Variants in DGKB observed in about 807,000 individuals in gnomAD.
DGKB encodes the protein diacylglycerol kinase beta.
In DGKB, 67 loss-of-function variants were observed where a neutral mutation model predicts 114.3. The observed-to-expected ratio is 0.59, with a 90% CI of 0.48 to 0.72. The LOEUF (loss-of-function observed/expected upper bound fraction) is 0.72, where lower values mean the gene tolerates loss of function less well. Ranked by LOEUF, DGKB falls within the 30% of genes least tolerant of loss-of-function variation. The probability of loss-of-function intolerance (pLI) is 0.00; values close to 1 mark genes in which losing one functional copy is unlikely to be tolerated. For missense variants in DGKB, 907 were observed against 975.2 expected (o/e 0.93, Z 0.93); for synonymous variants, 398 against 323.1 (o/e 1.23, Z -2.49).
chr7:14,746,904 G>C (rs1424808507), intron 4 of DGKB, among the ~76,000 whole-genome samples: 1 of 151,860 alleles, frequency 6.6e-6, no homozygotes, highest in Non-Finnish European at 1.5e-5. Context: ...ACATTTCTGT[G>C]TCAGATAACA....
chr7:14,422,899 T>C (rs1455144370), intron 21 of DGKB, among the ~76,000 whole-genome samples: 1 of 152,010 alleles, frequency 6.6e-6, no homozygotes, highest in Non-Finnish European at 1.5e-5. Flanking sequence ...GTTAAGTTCT[T>C]TACATACATT....
intron 20 of DGKB, among the ~76,000 whole-genome samples, chr7:14,547,397 A>T (rs1017397624): frequency 6.6e-6 from 1 of 152,236 alleles, no homozygotes; most frequent in Non-Finnish European, 1.5e-5. Context: ...TGACAATTAT[A>T]TTATGATAAT....
At chr7:14,653,667 A>G (rs1041051324) in intron 13 of DGKB, among the ~76,000 whole-genome samples, 15 of 152,182 alleles carry the variant, frequency 9.9e-5, no homozygotes, top group Non-Finnish European at 1.9e-4. Context: ...TAAAAAAAAA[A>G]AGATAATTCA....
At chr7:14,263,203 A>G (rs1418103382) in intron 23 of DGKB, among the ~76,000 whole-genome samples, 1 of 152,194 alleles carries the variant, frequency 6.6e-6, no homozygotes, top group East Asian at 1.9e-4. Context: ...GTGCCCGAGT[A>G]AACTGTGAGT....
intron 21 of DGKB, among the ~76,000 whole-genome samples, chr7:14,413,147 AT>A (rs1446451569): frequency 6.6e-6 from 1 of 152,142 alleles, no homozygotes; most frequent in African/African-American, 2.4e-5. Flanking sequence ...TGGATTGGAT[AT>A]GGAGAGTGCA....
At chr7:14,909,196 C>T (rs1215900705) in intron 1 of DGKB, among the ~76,000 whole-genome samples, 3 of 152,118 alleles carry the variant, frequency 2.0e-5, no homozygotes, top group Non-Finnish European at 2.9e-5. Flanking sequence ...CATGTATGTA[C>T]TGTGCAGCTC....
At chr7:14,542,327 A>G (rs1021280085) in intron 20 of DGKB, among the ~76,000 whole-genome samples, 3 of 151,880 alleles carry the variant, frequency 2.0e-5, no homozygotes, top group African/African-American at 4.8e-5. Flanking sequence ...CTTTTTCCTA[A>G]CTTTTAGGAT....
intron 25 of DGKB, among the ~76,000 whole-genome samples, chr7:14,172,706 G>T (rs771321230): frequency 3.9e-5 from 6 of 152,018 alleles, no homozygotes; most frequent in Non-Finnish European, 5.9e-5. Context: ...GGTTCCTGAG[G>T]CTTTGAATAG....
At chr7:14,775,269 A>G (rs1016594103) in intron 2 of DGKB, among the ~76,000 whole-genome samples, 1 of 151,956 alleles carries the variant, frequency 6.6e-6, no homozygotes, top group African/African-American at 2.4e-5. Context: ...ATTCTTTTAT[A>G]GCTGTACCAC....
chr7:14,833,018 T>G (rs1846637555), intron 2 of DGKB, among the ~76,000 whole-genome samples: 1 of 152,118 alleles, frequency 6.6e-6, no homozygotes, highest in African/African-American at 2.4e-5. Flanking sequence ...TTTCCTGGAT[T>G]GGGTGAGCCA....
At chr7:14,911,085 T>C (rs1783978839) in intron 1 of DGKB, among the ~76,000 whole-genome samples, 1 of 152,114 alleles carries the variant, frequency 6.6e-6, no homozygotes, top group Admixed American at 6.6e-5. Flanking sequence ...TCTTAATATA[T>C]ATATATTGAC....
intron 21 of DGKB, among the ~76,000 whole-genome samples, chr7:14,406,488 C>T (rs192116225): frequency 6.6e-6 from 1 of 152,142 alleles, no homozygotes; most frequent in East Asian, 1.9e-4. Flanking sequence ...GTTGGCTCTA[C>T]ATGTCCAGGT....
chr7:14,729,271 T>G lies in DGKB; in HGVS notation c.322+6770A>C, dbSNP rs71525647. ...CCGAGTAGCTGGGACTACAGGCGCC[T>G]GCCACCACATCCGGCTAATTTTTTG... On this transcript the variant is annotated intron_variant, in intron 5 of 25. Transcript: ENST00000402815. Among the ~76,000 whole-genome samples the G allele has an allele frequency of 1.8e-4, 27 of 147,160 alleles. 1 individual carries two copies. In the South Asian group the frequency reaches 4.9e-3, roughly 27 times the overall value.
chr7:14,687,431 T>C (rs943289094), intron 9 of DGKB, among the ~76,000 whole-genome samples: 1 of 152,124 alleles, frequency 6.6e-6, no homozygotes, highest in Non-Finnish European at 1.5e-5. Flanking sequence ...ACCTAAGAAA[T>C]AGGCTTTGTA....
In DGKB at chr7:14,389,405, G is replaced by A. The variant is rs114879638; in HGVS notation, c.1836-44014C>T. Among the ~76,000 whole-genome samples the A allele has an allele frequency of 6.9e-3, 1,054 of 152,304 alleles. 7 individuals carry two copies. The highest frequency in any genetic ancestry group is 0.02 in the African/African-American group (836 of 41,564). On this transcript the variant is annotated intron_variant, in intron 21 of 25. Transcript: ENST00000402815. ...TTATTCAAGCTTGGTGAACTTGAGAGCTTTCAAAAGAAGAGTAGCTGAAGG... is the reference window on the plus strand; with the variant it reads ...TTATTCAAGCTTGGTGAACTTGAGAACTTTCAAAAGAAGAGTAGCTGAAGG...
chr7:14,632,112 T>C (rs1012555063), intron 13 of DGKB, among the ~76,000 whole-genome samples: 4 of 151,958 alleles, frequency 2.6e-5, no homozygotes, highest in Non-Finnish European at 4.4e-5. Flanking sequence ...CCAAATGCAA[T>C]TCAAGAGCTT....
intron 23 of DGKB, among the ~76,000 whole-genome samples, chr7:14,269,830 C>G (rs1798023717): frequency 6.6e-6 from 1 of 151,952 alleles, no homozygotes; most frequent in Admixed American, 6.6e-5. Context: ...CAAAATAAAT[C>G]TTAAAATCAA....
In DGKB at chr7:14,221,364, G is replaced by A. The variant is rs542185783; in HGVS notation, c.2123-43213C>T. Among the ~76,000 whole-genome samples the A allele has an allele frequency of 4.6e-5, 7 of 151,216 alleles. No homozygotes were observed. In the South Asian group the frequency reaches 1.5e-3, roughly 31 times the overall value. ...GAGTACTCTCTATTTCTAGTTTGTT[G>A]AATGTTTTTTATTATAAAAATTGTT... On this transcript the variant is annotated intron_variant, in intron 23 of 25. Coordinates refer to ENST00000402815, the MANE Select transcript of DGKB (RefSeq NM_001350709.2).
chr7:14,424,228 A>C (rs1827162223), intron 21 of DGKB, among the ~76,000 whole-genome samples: 2 of 151,650 alleles, frequency 1.3e-5, no homozygotes, highest in African/African-American at 4.8e-5. Context: ...TTCTGTCCTC[A>C]TTCTCCCTGC....
Sources: gnomAD v4.1 joint callset for allele counts (sites outside exome capture counted in the v4.1 genomes callset) on GRCh38, gnomAD v4.1.1 for gene constraint, MANE v1.5 for transcripts, NCBI Gene and HGNC (gene_info 2026-07-23, HGNC 2026-07-21) for gene names.